Variants in PLPP3 observed in about 807,000 individuals in gnomAD.
PLPP3 encodes the protein PAP2 beta.
PLPP3 carries 6 observed loss-of-function variants against 29.6 expected under a neutral mutation model. That is an observed-to-expected ratio of 0.20 (90% confidence interval 0.11 to 0.40). PLPP3 has a LOEUF of 0.40. PLPP3 is among the 10% of genes least tolerant of loss of function. The probability of loss-of-function intolerance (pLI) is 1.00; values close to 1 mark genes in which losing one functional copy is unlikely to be tolerated. For missense variants in PLPP3, 308 were observed against 407.7 expected, an observed-to-expected ratio of 0.76 and a Z score of 2.11; for synonymous variants, 152 against 159.7, an observed-to-expected ratio of 0.95 and a Z score of 0.36.
chr1:56,573,069 T>C (rs1384071465), intron 1 of PLPP3, among the ~76,000 whole-genome samples: 1 of 152,210 alleles, frequency 6.6e-6, no homozygotes, highest in African/African-American at 2.4e-5. Flanking sequence ...TTCTAAAGGC[T>C]CTATTTAGGA....
chr1:56,570,806 CCT>C lies in PLPP3; in HGVS notation c.139+8070_139+8071del, dbSNP rs71738361. ...AAAACATGGAGTCTCTTTTTTCTCC[CCT>C]GAGATACATCATTTGAAAAAGGTGG... On this transcript the variant is annotated intron_variant, in intron 1 of 5. Coordinates refer to ENST00000371250, the MANE Select transcript of PLPP3 (RefSeq NM_003713.5). Among the ~76,000 whole-genome samples the C allele has an allele frequency of 5.7e-3, 868 of 152,026 alleles. 41 individuals are homozygous for C. In the East Asian group the frequency reaches 0.12, roughly 21 times the overall value.
At chr1:56,577,171 T>G (rs756069149) in intron 1 of PLPP3, among the ~76,000 whole-genome samples, 1 of 152,164 alleles carries the variant, frequency 6.6e-6, no homozygotes, top group East Asian at 1.9e-4. Flanking sequence ...ACAGCTTCCA[T>G]GTGTTTAGTG....
chr1:56,509,499 T>A (rs1557498411), intron 5 of PLPP3, among the ~76,000 whole-genome samples: 1 of 152,148 alleles, frequency 6.6e-6, no homozygotes. Context: ...CTGAGCTAGT[T>A]ACTTCTGTAA....
chr1:56,532,480 G>A (rs1351789750), intron 2 of PLPP3, among the ~76,000 whole-genome samples: 1 of 152,104 alleles, frequency 6.6e-6, no homozygotes, highest in African/African-American at 2.4e-5. Context: ...GAGATGGAGG[G>A]GTGGGGAGGA....
chr1:56,578,796 G>GCGGCT, intron 1 of PLPP3, 82 bp downstream of exon 1: 1 of 1,296,508 alleles, frequency 7.7e-7, no homozygotes, highest in African/African-American at 1.6e-5. Flanking sequence ...GCGGCGCGGC[G>GCGGCT]CTGCGCGGCC....
intron 1 of PLPP3, among the ~76,000 whole-genome samples, chr1:56,553,993 G>T (rs542019592): frequency 6.6e-6 from 1 of 152,048 alleles, no homozygotes; most frequent in Non-Finnish European, 1.5e-5. Context: ...CCCATAAAGA[G>T]ATCCATTATT....
chr1:56,533,621 G>A (rs1274432021), intron 2 of PLPP3, among the ~76,000 whole-genome samples: 1 of 152,204 alleles, frequency 6.6e-6, no homozygotes, highest in Non-Finnish European at 1.5e-5. Flanking sequence ...GTGCAAAGAA[G>A]AGCGTGCACA....
At chr1:56,551,181 A>C (rs1308055808) in intron 1 of PLPP3, among the ~76,000 whole-genome samples, 9 of 152,180 alleles carry the variant, frequency 5.9e-5, no homozygotes, top group Admixed American at 5.9e-4. Flanking sequence ...AGATGTACAC[A>C]GGTATCCTTG....
intron 1 of PLPP3, among the ~76,000 whole-genome samples, chr1:56,557,014 G>GA (rs1281163801): frequency 7.7e-5 from 1 of 12,948 alleles, no homozygotes; most frequent in Admixed American, 1.3e-3. Flanking sequence ...AAGAAAGAGA[G>GA]AGAGAGAGAG....
intron 1 of PLPP3, among the ~76,000 whole-genome samples, chr1:56,541,045 A>G (rs1367697611): frequency 6.6e-6 from 1 of 152,210 alleles, no homozygotes; most frequent in Non-Finnish European, 1.5e-5. Context: ...ACAGTGTTGT[A>G]AGATAGTCAA....
intron 1 of PLPP3, among the ~76,000 whole-genome samples, chr1:56,555,240 C>T (rs946199079): frequency 1.3e-5 from 2 of 149,282 alleles, no homozygotes; most frequent in East Asian, 2.0e-4. Context: ...CGGCCCCATC[C>T]AATCCCTCCT....
At chr1:56,543,270 T>C (rs1222717319) in intron 1 of PLPP3, among the ~76,000 whole-genome samples, 2 of 152,186 alleles carry the variant, frequency 1.3e-5, no homozygotes, top group Admixed American at 1.3e-4. Context: ...ACGATAGCTA[T>C]GAAACGTTGT....
chr1:56,578,848 G>A, intron 1 of PLPP3, 30 bp downstream of exon 1: 1 of 1,512,506 alleles, frequency 6.6e-7, no homozygotes. Context: ...GAGGGGCCGA[G>A]GGGCCGAGGG....
chr1:56,528,839 A>G (rs1224259512), intron 2 of PLPP3, among the ~76,000 whole-genome samples: 2 of 148,988 alleles, frequency 1.3e-5, no homozygotes, highest in Non-Finnish European at 3.0e-5. Flanking sequence ...TTTATCTAGT[A>G]TGTATTTTTC....
intron 4 of PLPP3, among the ~76,000 whole-genome samples, chr1:56,520,989 T>C (rs1202272831): frequency 6.7e-6 from 1 of 149,936 alleles, no homozygotes; most frequent in African/African-American, 2.5e-5. Flanking sequence ...GTCCCAGCAC[T>C]TTGGGAGGCC....
rs1023326278 is a variant in PLPP3 at position 56,495,615 on chromosome 1, C to G, written c.*936G>C. ...TTCGATTTTCATTCTGCCCCCTTCA[C>G]CCTCCCATCTGTTGTACAGAAGGCT... On this transcript the variant is annotated 3_prime_UTR_variant, in exon 6 of 6. Transcript: ENST00000371250. 9.2e-5 allele frequency: 14 copies of G among 152,710 alleles called. No homozygotes were observed. Among genetic ancestry groups the G allele is most frequent in the African/African-American group, 3.4e-4 (14 of 41,466 alleles). The allele number at this position is 152,710 out of a possible 1,614,324, so 9.5% of individuals were successfully genotyped here.
chr1:56,536,481 A>T (rs931196558), intron 2 of PLPP3, among the ~76,000 whole-genome samples: 1 of 152,178 alleles, frequency 6.6e-6, no homozygotes, highest in Non-Finnish European at 1.5e-5. Context: ...TTATTAAAAA[A>T]CAAAGAGGGG....
In PLPP3 at chr1:56,555,450, A is replaced by C. The variant is rs77367045; in HGVS notation, c.140-18338T>G. ...CCAAACACTAAAAAAAAAAAAAAAA[A>C]AAAAAAAAAACAAAAAACAAACAAA... On this transcript the variant is annotated intron_variant, in intron 1 of 5. Coordinates refer to ENST00000371250, the MANE Select transcript of PLPP3 (RefSeq NM_003713.5). Among the ~76,000 whole-genome samples, 1,356 of 135,880 alleles carry C rather than the reference A, an allele frequency of 1.0e-2. 68 individuals are homozygous for C. The East Asian group carries it at 0.16, about 17-fold the overall frequency. The allele number at this position is 135,880 out of a possible 152,430, so 89.1% of individuals were successfully genotyped here.
intron 1 of PLPP3, among the ~76,000 whole-genome samples, chr1:56,554,447 C>G (rs2100287352): frequency 6.6e-6 from 1 of 151,988 alleles, no homozygotes; most frequent in East Asian, 1.9e-4. Flanking sequence ...TGGCGGGCAC[C>G]TGTAATCCCA....
Sources: gnomAD v4.1 joint callset for allele counts (sites outside exome capture counted in the v4.1 genomes callset) on GRCh38, gnomAD v4.1.1 for gene constraint, MANE v1.5 for transcripts, NCBI Gene and HGNC (gene_info 2026-07-23, HGNC 2026-07-21) for gene names.